Variants in RGPD4 observed in about 807,000 individuals in gnomAD.
The protein encoded by RGPD4 is ranBP2-like and GRIP domain-containing protein 4.
Under a neutral mutation model 141.1 loss-of-function variants are expected in RGPD4, and 84 were observed. The ratio of observed to expected loss-of-function variants is 0.60; its 90% confidence interval spans 0.50 to 0.71. The LOEUF is 0.71. Ranked by LOEUF, RGPD4 falls within the 30% of genes least tolerant of loss-of-function variation. The pLI is 0.00. For missense variants in RGPD4, 918 were observed against 1,622.4 expected (o/e 0.57, Z 7.46); for synonymous variants, 298 against 566.8 (o/e 0.53, Z 6.74).
At chr2:107,874,632 G>C (rs1369603048) in intron 20 of RGPD4, among the ~76,000 whole-genome samples, 1 of 151,036 alleles carries the variant, frequency 6.6e-6, no homozygotes, top group Non-Finnish European at 1.5e-5. Context: ...TACAGTTTCT[G>C]TGAGCTCTAG....
rs570081430 is a variant in RGPD4 at position 107,888,483 on chromosome 2, G to A, written c.5267-2238G>A. On this transcript the variant is annotated intron_variant, in intron 22 of 22. Transcript: ENST00000408999. ...CCAGTGCCAAGTTGTCCATCCCTAA[G>A]CAATATCGCTTCCTTCTACTTTCTA... Among the ~76,000 whole-genome samples the A allele has an allele frequency of 1.6e-4, 24 of 150,904 alleles. No individual in the cohort carries two copies. In the East Asian group the frequency reaches 4.6e-3, roughly 29 times the overall value.
At chr2:107,884,631 G>A (rs1675461400) in intron 22 of RGPD4, among the ~76,000 whole-genome samples, 2 of 144,628 alleles carry the variant, frequency 1.4e-5, no homozygotes, top group Non-Finnish European at 3.0e-5. Flanking sequence ...TGCTTTCTAA[G>A]ACATCAGGAG....
chr2:107,856,093 G>C (rs1179777825), intron 8 of RGPD4, among the ~76,000 whole-genome samples: 2 of 124,766 alleles, frequency 1.6e-5, no homozygotes, highest in Admixed American at 1.7e-4. Flanking sequence ...TTACTCTGTC[G>C]CCCGGGCTGG....
chr2:107,880,378 C>T lies in RGPD4; in HGVS notation c.5064+271C>T, dbSNP rs578222533. Among the ~76,000 whole-genome samples the T allele has an allele frequency of 2.2e-3, 323 of 145,668 alleles. 6 individuals carry two copies. Among genetic ancestry groups the T allele is most frequent in the African/African-American group, 8.0e-3 (310 of 38,626 alleles). On this transcript the variant is annotated intron_variant, in intron 21 of 22. Coordinates refer to ENST00000408999, the MANE Select transcript of RGPD4 (RefSeq NM_182588.3). The stretch of plus-strand genomic sequence containing the variant: ...TCCCAGGTTCACGCCATTCTCCTGC[C>T]TCAGCCTCCCAAGTAGCTGGGACTA...
chr2:107,857,494 G>A (rs557847214), intron 9 of RGPD4, among the ~76,000 whole-genome samples: 1,817 of 150,192 alleles, frequency 0.012, 47 homozygotes, highest in African/African-American at 0.03. Flanking sequence ...GTGTAGTGGC[G>A]TGATCGTAGG....
At position 107,891,025 on chromosome 2, in the gene RGPD4, G is replaced by A. The variant is rs568414565; in HGVS notation, c.*294G>A. On this transcript the variant is annotated 3_prime_UTR_variant, in exon 23 of 23. Coordinates refer to ENST00000408999, the MANE Select transcript of RGPD4 (RefSeq NM_182588.3). Reference sequence around the variant, plus strand: ...ACTCATGTGATCTCCCATGCATGCTGCCAGAATAAAACCACCAGGAATGAA... The same window carrying A: ...ACTCATGTGATCTCCCATGCATGCTACCAGAATAAAACCACCAGGAATGAA... 6.2e-3 allele frequency among the ~76,000 whole-genome samples: 934 copies of A among 149,612 alleles called. 4 individuals carry two copies. Among genetic ancestry groups the A allele is most frequent in the African/African-American group, 0.022 (891 of 39,924 alleles).
intron 9 of RGPD4, 80 bp from the exon 10 acceptor site, chr2:107,859,034 G>A (rs1285223183): frequency 2.2e-6 from 1 of 450,854 alleles, no homozygotes; most frequent in Non-Finnish European, 3.7e-6. Context: ...TATATATAAT[G>A]TGAATTGTTT....
intron 1 of RGPD4, among the ~76,000 whole-genome samples, chr2:107,835,589 C>T (rs1466989836): frequency 6.6e-6 from 1 of 151,872 alleles, no homozygotes; most frequent in African/African-American, 2.4e-5. Flanking sequence ...TTATTCTTTC[C>T]CATAGAGGCT....
intron 22 of RGPD4, among the ~76,000 whole-genome samples, chr2:107,883,740 G>A (rs1675434935): frequency 6.6e-6 from 1 of 150,872 alleles, no homozygotes; most frequent in Non-Finnish European, 1.5e-5. Flanking sequence ...ATATACAACT[G>A]CTATAGTTAA....
chr2:107,878,192 T>C lies in RGPD4; in HGVS notation c.4925-1776T>C, dbSNP rs555705990. Among the ~76,000 whole-genome samples, 74 of 151,622 alleles carry C rather than the reference T, an allele frequency of 4.9e-4. 1 individual carries two copies. The highest frequency in any genetic ancestry group is 1.7e-3 in the African/African-American group (71 of 41,202). ...TCTTATAGTTACTTAATTCCTCTAC[T>C]CTTATCATTTGATATTTTCATTTTA... On this transcript the variant is annotated intron_variant, in intron 20 of 22. Coordinates refer to ENST00000408999, the MANE Select transcript of RGPD4 (RefSeq NM_182588.3).
At chr2:107,841,262 T>C (rs2104416794) in intron 4 of RGPD4, among the ~76,000 whole-genome samples, 1 of 115,936 alleles carries the variant, frequency 8.6e-6, no homozygotes, top group Middle Eastern at 4.6e-3. Flanking sequence ...ACAAGTTAGA[T>C]ACTTTGAAGC....
At chr2:107,831,164 G>A (rs1193891065) in intron 1 of RGPD4, among the ~76,000 whole-genome samples, 6 of 111,614 alleles carry the variant, frequency 5.4e-5, no homozygotes, top group Non-Finnish European at 1.0e-4. Flanking sequence ...GTGACAGAGC[G>A]AGACTCTGTC....
At position 107,855,426 on chromosome 2, in the gene RGPD4, T is replaced by C. The variant is rs1256809958; in HGVS notation, c.1066+783T>C. Among the ~76,000 whole-genome samples the C allele has an allele frequency of 5.3e-5, 8 of 151,280 alleles. No individual in the cohort carries two copies. The South Asian group carries it at 1.0e-3, about 20-fold the overall frequency. ...TCCTTAAAGTGACTTTCTACTTTTT[T>C]CCTTTTCTCTTTTCCTTCTACCCTT... On this transcript the variant is annotated intron_variant, in intron 8 of 22. Transcript: ENST00000408999.
intron 22 of RGPD4, chr2:107,883,275 T>C (rs977322152): frequency 5.3e-5 from 22 of 411,570 alleles, no homozygotes; most frequent in East Asian, 2.1e-4. Flanking sequence ...GACAATGGAG[T>C]CATATAGCCC....
At chr2:107,874,483 T>C (rs1029723794) in intron 20 of RGPD4, among the ~76,000 whole-genome samples, 4 of 82,338 alleles carry the variant, frequency 4.9e-5, no homozygotes, top group Admixed American at 1.0e-4. Flanking sequence ...AGTACAATGA[T>C]AAAGTAACAA....
chr2:107,835,035 G>T (rs1319120124), intron 1 of RGPD4, among the ~76,000 whole-genome samples: 3 of 11,678 alleles, frequency 2.6e-4, no homozygotes, highest in East Asian at 1.9e-3. Flanking sequence ...TGTATACTCT[G>T]TATCACATGG....
chr2:107,828,638 C>G (rs1183760659), intron 1 of RGPD4, among the ~76,000 whole-genome samples: 4 of 91,198 alleles, frequency 4.4e-5, no homozygotes, highest in African/African-American at 1.6e-4. Context: ...GCGGCGGCCT[C>G]GATGGCTCAG....
intron 20 of RGPD4, among the ~76,000 whole-genome samples, chr2:107,876,468 A>C (rs1432278058): frequency 1.7e-4 from 26 of 151,632 alleles, no homozygotes; most frequent in Admixed American, 1.6e-3. Context: ...CTACTTTTTA[A>C]ATAGAAACAT....
chr2:107,880,082 G>T lies in RGPD4; in HGVS notation c.5039G>T (p.Ser1680Ile). ...NGLLREAEAT[S>I]AVLMEQIKLL... ...CTGCTTCGGGAAGCAGAGGCAACCA[G>T]TGCAGTCCTTATGGAGCAAATTAAG... is the stretch of plus-strand genomic sequence containing the variant. The change falls in exon 21 of 23, where the codon AGT becomes ATT. Residue 1680 changes from serine to isoleucine, a missense_variant. By Grantham distance (142) the Ser-to-Ile change is moderately radical. Transcript: ENST00000408999. 6.2e-7 allele frequency: 1 copy of T among 1,611,158 alleles called. No individual in the cohort carries two copies.
Sources: gnomAD v4.1 joint callset for allele counts (sites outside exome capture counted in the v4.1 genomes callset) on GRCh38, gnomAD v4.1.1 for gene constraint, MANE v1.5 for transcripts, NCBI Gene and HGNC (gene_info 2026-07-23, HGNC 2026-07-21) for gene names.